Variants in ABL1 observed in about 807,000 individuals in gnomAD.
ABL1 encodes the protein ABL proto-oncogene 1, non-receptor tyrosine kinase, also known as tyrosine-protein kinase ABL1.
A neutral mutation model predicts 94.7 loss-of-function variants in ABL1; 11 were observed. That is an observed-to-expected ratio of 0.12 (90% CI 0.07 to 0.19). The LOEUF is 0.19. Ranked by LOEUF, ABL1 falls within the 10% of genes least tolerant of loss-of-function variation. The probability of loss-of-function intolerance (pLI) is 1.00; values close to 1 mark genes in which losing one functional copy is unlikely to be tolerated. For missense variants in ABL1, 1,082 were observed against 1,489.4 expected (o/e 0.73, Z 4.50); for synonymous variants, 656 against 622.4 (o/e 1.05, Z -0.80).
intron 1 of ABL1, among the ~76,000 whole-genome samples, chr9:130,715,362 C>T (rs191032744): frequency 2.6e-5 from 4 of 152,164 alleles, no homozygotes; most frequent in African/African-American, 7.2e-5. Context: ...TATAAGCAAA[C>T]GTATGAAGTG....
chr9:130,785,302 C>T (rs950916757), intron 1 of ABL1, among the ~76,000 whole-genome samples: 3 of 152,126 alleles, frequency 2.0e-5, no homozygotes, highest in African/African-American at 7.2e-5. Context: ...TGGGTGGTAC[C>T]GTGCACCAGC....
rs981293968 is a variant in ABL1 at position 130,886,888 on chromosome 9, CTTAT to C, written c.*1209_*1212del. 4.3e-6 allele frequency: 1 copy of C among 233,102 alleles called. No homozygotes were observed. The highest frequency in any genetic ancestry group is 8.5e-6 in the Non-Finnish European group (1 of 117,880). The allele number at this position is 233,102 out of a possible 1,614,324, so 14.4% of individuals were successfully genotyped here. A position where few individuals can be genotyped will look rare whatever the true frequency, so the allele number is the denominator to read the frequency against. The stretch of plus-strand genomic sequence containing the variant: ...CTGCACTCTTGAACTGGGCGAATGT[CTTAT>C]TTAATTACCGTGAGTGACATAGCCT... On this transcript the variant is annotated 3_prime_UTR_variant, in exon 11 of 11. Transcript: ENST00000318560.
chr9:130,739,335 GTCAATCTAAATGCA>G (rs1564274779), intron 1 of ABL1, among the ~76,000 whole-genome samples: 1 of 151,800 alleles, frequency 6.6e-6, no homozygotes, highest in Admixed American at 6.6e-5. Flanking sequence ...CACAATCATT[GTCAATCTAAATGCA>G]TAGTCCTTCC....
At chr9:130,715,235 G>A (rs1831422863) in intron 1 of ABL1, among the ~76,000 whole-genome samples, 1 of 152,134 alleles carries the variant, frequency 6.6e-6, no homozygotes, top group Non-Finnish European at 1.5e-5. Flanking sequence ...AAAGCTAAGG[G>A]TCGGCTTACA....
intron 1 of ABL1, among the ~76,000 whole-genome samples, chr9:130,786,037 T>C (rs553825901): frequency 6.6e-6 from 1 of 151,426 alleles, no homozygotes; most frequent in Admixed American, 6.6e-5. Context: ...ATGGAAAATG[T>C]TTATTACTTC....
At chr9:130,722,057 C>T (rs1220451686) in intron 1 of ABL1, among the ~76,000 whole-genome samples, 5 of 151,360 alleles carry the variant, frequency 3.3e-5, no homozygotes, top group African/African-American at 4.8e-5. Context: ...GCTGGGATTT[C>T]AGGCGTGAGC....
At chr9:130,856,028 A>G (rs1830968735) in intron 3 of ABL1, among the ~76,000 whole-genome samples, 1 of 151,868 alleles carries the variant, frequency 6.6e-6, no homozygotes, top group Non-Finnish European at 1.5e-5. Flanking sequence ...TGATCCTCCC[A>G]CCTTAGCCTT....
chr9:130,884,649 G>A lies in ABL1; in HGVS notation c.2359G>A (p.Val787Met), dbSNP rs770760322. 1 of 1,613,142 alleles carries A rather than the reference G, an allele frequency of 6.2e-7. No homozygotes were observed. The highest frequency in any genetic ancestry group is 8.5e-7 in the Non-Finnish European group (1 of 1,180,018). ...CACAGTAACGCCTCCCCCCAGGCTGGTGAAAAAGAATGAGGAAGCTGCTGA... is the reference window on the plus strand; with the variant it reads ...CACAGTAACGCCTCCCCCCAGGCTGATGAAAAAGAATGAGGAAGCTGCTGA... ...RGTVTPPPRL[V>M]KKNEEAADEV... Residue 787 changes from valine (V) to methionine (M), a missense_variant, in exon 11 of 11, where the codon GTG becomes ATG. By Grantham distance (21) the Val-to-Met change is conservative. This residue lies in a region of ABL1 where 780 missense variants were observed against 835.8 expected (regional missense o/e 0.93). Coordinates refer to ENST00000318560, the MANE Select transcript of ABL1 (RefSeq NM_005157.6). This position sits in a 1 kb window ranked among gnomAD's most constrained non-coding sequence, Gnocchi z 5.6.
At chr9:130,844,763 C>T (rs1230958603) in intron 1 of ABL1, among the ~76,000 whole-genome samples, 3 of 152,084 alleles carry the variant, frequency 2.0e-5, no homozygotes, top group Admixed American at 6.5e-5. Flanking sequence ...ATCGCGCCAC[C>T]GCACTCCAGC....
chr9:130,756,319 G>C (rs1308676864), intron 1 of ABL1, among the ~76,000 whole-genome samples: 1 of 125,860 alleles, frequency 7.9e-6, no homozygotes, highest in Non-Finnish European at 1.6e-5. Context: ...CATTTGTATG[G>C]AAGTTTTAAT....
intron 1 of ABL1, among the ~76,000 whole-genome samples, chr9:130,801,662 A>C (rs1427862304): frequency 6.6e-6 from 1 of 152,032 alleles, no homozygotes; most frequent in East Asian, 1.9e-4. Context: ...TATTGGTTTT[A>C]GTTTTGGGTT....
rs545776714 is a variant in ABL1, at chr9:130,818,161, T to C, written c.137-35903T>C. ...AGTATCTTTAGAACAGCAGAAGTTT[T>C]TGATTTTGATGAAATTCAGTTTATC... On this transcript the variant is annotated intron_variant, in intron 1 of 10. Coordinates refer to the ABL1 transcript ENST00000372348. 6.6e-5 allele frequency among the ~76,000 whole-genome samples: 10 copies of C among 152,292 alleles called. No homozygotes were observed. The South Asian group carries it at 2.1e-3, about 32-fold the overall frequency.
At chr9:130,749,806 C>A (rs137878768) in intron 1 of ABL1, among the ~76,000 whole-genome samples, 3 of 152,088 alleles carry the variant, frequency 2.0e-5, no homozygotes. Flanking sequence ...ATTGTTGATT[C>A]GTCTTCATAA....
intron 1 of ABL1, chr9:130,724,831 T>C: frequency 2.0e-6 from 1 of 490,672 alleles, no homozygotes; most frequent in Non-Finnish European, 4.1e-6. Context: ...GTTTAGGTGT[T>C]GTTCCTTTAT....
intron 1 of ABL1, among the ~76,000 whole-genome samples, chr9:130,780,918 T>C (rs1829746700): frequency 6.6e-6 from 1 of 152,196 alleles, no homozygotes. Context: ...AAACTGAAAA[T>C]GAGGAGAGTG....
chr9:130,884,472 G>A lies in ABL1; in HGVS notation c.2182G>A (p.Asp728Asn), dbSNP rs1362518592. The A allele has an allele frequency of 1.9e-6, 3 of 1,613,072 alleles. No individual in the cohort carries two copies. The South Asian group carries it at 3.3e-5, about 18-fold the overall frequency. ...SASCVPHGAK[D>N]TEWRSVTLPR... The stretch of plus-strand genomic sequence containing the variant: ...CTCCTGCGTTCCCCATGGGGCCAAG[G>A]ACACGGAGTGGAGGTCAGTCACGCT... The change falls in exon 11 of 11, where the codon GAC becomes AAC. Residue 728 changes from aspartate to asparagine, a missense_variant. Physicochemically the swap from Asp to Asn is conservative, Grantham distance 23. Coordinates refer to ENST00000318560, the MANE Select transcript of ABL1 (RefSeq NM_005157.6). The surrounding 1 kb of genome is among the most constrained non-coding windows in gnomAD (Gnocchi z 5.6).
At chr9:130,816,476 G>A (rs942319350) in intron 1 of ABL1, among the ~76,000 whole-genome samples, 49 of 149,392 alleles carry the variant, frequency 3.3e-4, no homozygotes, top group Admixed American at 1.3e-4. Flanking sequence ...ACCCGGCCCC[G>A]ATCACCTTAT....
chr9:130,730,990 C>CT (rs1213366019), intron 1 of ABL1, among the ~76,000 whole-genome samples: 1 of 138,974 alleles, frequency 7.2e-6, no homozygotes, highest in Non-Finnish European at 1.5e-5. Flanking sequence ...CGTTTTCACT[C>CT]TATCTCTCTT....
intron 7 of ABL1, among the ~76,000 whole-genome samples, chr9:130,877,639 CTT>C (rs754804823): frequency 5.8e-5 from 8 of 138,338 alleles, no homozygotes; most frequent in Admixed American, 7.2e-5. Flanking sequence ...TCCTGGTCTC[CTT>C]TTTTTTTTTT....
Sources: allele counts gnomAD v4.1 joint callset (sites outside exome capture counted in the v4.1 genomes callset), GRCh38; gene constraint gnomAD v4.1.1; regional missense constraint gnomAD v4.1.1; non-coding constraint Gnocchi (gnomAD v3.1); transcripts MANE v1.5; gene names NCBI Gene and HGNC (gene_info 2026-07-23, HGNC 2026-07-21).